The following CAMK1D variants were observed in gnomAD, a reference collection of about 807,000 sequenced individuals.
CAMK1D encodes the protein calcium/calmodulin dependent protein kinase ID, also known as calcium/calmodulin-dependent protein kinase type 1D.
Under a neutral mutation model 47.7 loss-of-function variants are expected in CAMK1D, and 9 were observed. The ratio of observed to expected loss-of-function variants is 0.19; its 90% CI spans 0.11 to 0.33. The LOEUF (loss-of-function observed/expected upper bound fraction) is 0.33. Among genes scored for constraint, CAMK1D ranks in the 10% least tolerant of loss-of-function variants. CAMK1D has a pLI of 1.00. For missense variants in CAMK1D, 291 were observed against 488.7 expected, an observed-to-expected ratio of 0.60 and a Z score of 3.81; for synonymous variants, 184 against 184.9, an observed-to-expected ratio of 0.99 and a Z score of 0.04.
intron 2 of CAMK1D, among the ~76,000 whole-genome samples, chr10:12,651,085 C>T (rs1839948517): frequency 2.0e-5 from 3 of 152,204 alleles, no homozygotes; most frequent in Non-Finnish European, 2.9e-5. Flanking sequence ...TTGCTCCCAC[C>T]TCCTCCTTCC....
intron 5 of CAMK1D, among the ~76,000 whole-genome samples, chr10:12,789,255 A>G (rs377385671): frequency 8.6e-4 from 130 of 151,818 alleles, no homozygotes; most frequent in African/African-American, 2.8e-3. Flanking sequence ...TATTAGTATT[A>G]GTGTATTTTA....
chr10:12,531,862 T>C (rs1331125395), intron 1 of CAMK1D, among the ~76,000 whole-genome samples: 3 of 152,210 alleles, frequency 2.0e-5, no homozygotes, highest in Non-Finnish European at 4.4e-5. Context: ...GTACAGCAAA[T>C]AACTGCTAAA....
chr10:12,503,961 T>C (rs529703307), intron 1 of CAMK1D, among the ~76,000 whole-genome samples: 3 of 152,274 alleles, frequency 2.0e-5, no homozygotes, highest in Non-Finnish European at 4.4e-5. Context: ...GGATTTCATG[T>C]GGAAAACAGT....
At chr10:12,398,258 A>G (rs1019270234) in intron 1 of CAMK1D, among the ~76,000 whole-genome samples, 1 of 152,002 alleles carries the variant, frequency 6.6e-6, no homozygotes, top group African/African-American at 2.4e-5. Flanking sequence ...ATCCTAGGAT[A>G]TTATATTTGT....
rs1054094638 is a variant in CAMK1D, at chr10:12,615,875, T to TA, written c.225-50859dup. ...GTAGGTGTGTATGCATGTATGTGTATAAGTGTATGCATAAGTGAGAGCATG... is the reference window on the plus strand; with the variant it reads ...GTAGGTGTGTATGCATGTATGTGTATAAAGTGTATGCATAAGTGAGAGCATG... On this transcript the variant is annotated intron_variant, in intron 2 of 10. Transcript: ENST00000619168. 3.8e-4 allele frequency among the ~76,000 whole-genome samples: 57 copies of TA among 151,810 alleles called. 1 individual carries two copies. The highest frequency in any genetic ancestry group is 1.2e-4 in the Non-Finnish European group (8 of 67,958).
chr10:12,590,567 G>A (rs1318605209), intron 2 of CAMK1D, among the ~76,000 whole-genome samples: 2 of 152,184 alleles, frequency 1.3e-5, no homozygotes, highest in Non-Finnish European at 2.9e-5. Context: ...GCACCTAGGA[G>A]AGTACTTTAT....
At chr10:12,807,646 G>A (rs532432297) in intron 6 of CAMK1D, among the ~76,000 whole-genome samples, 4 of 152,266 alleles carry the variant, frequency 2.6e-5, no homozygotes, top group African/African-American at 9.6e-5. Context: ...AGGCCACCCC[G>A]GCTACCTGCT....
chr10:12,414,725 C>T (rs1040883885), intron 1 of CAMK1D, among the ~76,000 whole-genome samples: 2 of 152,150 alleles, frequency 1.3e-5, no homozygotes, highest in Non-Finnish European at 2.9e-5. Flanking sequence ...GAATTTGGAT[C>T]GTTTCCTTGA....
chr10:12,824,717 G>C (rs1452351358), intron 9 of CAMK1D, among the ~76,000 whole-genome samples, 165 bp downstream of exon 9: 1 of 152,186 alleles, frequency 6.6e-6, no homozygotes, highest in Non-Finnish European at 1.5e-5. Context: ...AAGAGGGATG[G>C]AGTGTGCAAT....
Position 12,694,232 on chromosome 10 carries a change from T to C in CAMK1D, c.299+27422T>C, listed in dbSNP as rs868761846. ...TGTATAATATAAAATATATATTATG[T>C]ATAATATATAATATATATTATGTAT... is the stretch of plus-strand genomic sequence containing the variant. On this transcript the variant is annotated intron_variant, in intron 3 of 10. Coordinates refer to ENST00000619168, the MANE Select transcript of CAMK1D (RefSeq NM_153498.4). 4.3e-3 allele frequency among the ~76,000 whole-genome samples: 112 copies of C among 25,762 alleles called. 31 individuals are homozygous for C. The highest frequency in any genetic ancestry group is 0.02 in the South Asian group (9 of 456). The allele number at this position is 25,762 out of a possible 152,430, so 16.9% of individuals were successfully genotyped here. A position where few individuals can be genotyped will look rare whatever the true frequency, so the allele number is the denominator to read the frequency against.
chr10:12,707,783 A>G (rs548440134), intron 3 of CAMK1D, among the ~76,000 whole-genome samples: 1 of 152,320 alleles, frequency 6.6e-6, no homozygotes, highest in Admixed American at 6.5e-5. Context: ...GGCCTCGCAT[A>G]CCTGCCTTTG....
chr10:12,436,414 G>A (rs1205391557), intron 1 of CAMK1D, among the ~76,000 whole-genome samples: 1 of 152,234 alleles, frequency 6.6e-6, no homozygotes, highest in Non-Finnish European at 1.5e-5. Context: ...ATGAAGAGCA[G>A]TGACCGTCGA....
chr10:12,737,022 A>G (rs1180138304), intron 3 of CAMK1D, among the ~76,000 whole-genome samples: 1 of 152,128 alleles, frequency 6.6e-6, no homozygotes, highest in Non-Finnish European at 1.5e-5. Context: ...GCATCCGTTG[A>G]CCAATCTCAA....
rs138356820 is a variant in CAMK1D, at chr10:12,396,474, G to A, written c.92+46564G>A. On this transcript the variant is annotated intron_variant, in intron 1 of 10. Coordinates refer to ENST00000619168, the MANE Select transcript of CAMK1D (RefSeq NM_153498.4). ...CAACCAGAGTCTTCATGAGTCTCTG[G>A]CTTAACCCCCTTTTTGCCATATGCT... 2.8e-4 allele frequency among the ~76,000 whole-genome samples: 43 copies of A among 152,258 alleles called. No homozygotes were observed. In the East Asian group the frequency reaches 6.4e-3, roughly 23 times the overall value.
intron 1 of CAMK1D, among the ~76,000 whole-genome samples, chr10:12,538,779 G>A (rs544293404): frequency 6.6e-6 from 1 of 151,952 alleles, no homozygotes; most frequent in Admixed American, 6.6e-5. Flanking sequence ...CCCACTTGGT[G>A]GGGTCCCAGG....
At chr10:12,703,299 A>G (rs1253284236) in intron 3 of CAMK1D, among the ~76,000 whole-genome samples, 1 of 152,174 alleles carries the variant, frequency 6.6e-6, no homozygotes, top group African/African-American at 2.4e-5. Flanking sequence ...ACACTCAACC[A>G]CAGAATGGAG....
chr10:12,564,282 T>C (rs7896236), intron 2 of CAMK1D, among the ~76,000 whole-genome samples: 70,693 of 151,870 alleles, frequency 0.47, 16,790 homozygotes, highest in Middle Eastern at 0.52. Context: ...AGATGGCAGA[T>C]ATAGAAAAAG....
At chr10:12,690,859 G>T (rs1169568633) in intron 3 of CAMK1D, among the ~76,000 whole-genome samples, 1 of 152,088 alleles carries the variant, frequency 6.6e-6, no homozygotes, top group Non-Finnish European at 1.5e-5. Context: ...GCTGGTTTCT[G>T]TTTGATTACA....
rs561646509 is a variant in CAMK1D, at chr10:12,821,612, G to A, written c.834-2853G>A. On this transcript the variant is annotated intron_variant, in intron 8 of 10. Transcript: ENST00000619168. ...GACTAGGCTGTGGTCCGTGAGTGGT[G>A]GATAGTGAGACAGGCTGTAAAAGGT... 3.3e-5 allele frequency among the ~76,000 whole-genome samples: 5 copies of A among 152,324 alleles called. No individual in the cohort carries two copies. The East Asian group carries it at 7.7e-4, about 24-fold the overall frequency.
Sources: gnomAD v4.1 joint callset for allele counts (sites outside exome capture counted in the v4.1 genomes callset) on GRCh38, gnomAD v4.1.1 for gene constraint, MANE v1.5 for transcripts, NCBI Gene and HGNC (gene_info 2026-07-23, HGNC 2026-07-21) for gene names.